TRAPPC9: variants seen among roughly 807,000 people sequenced by gnomAD.
TRAPPC9 encodes IKK2 binding protein.
A neutral mutation model predicts 124.0 loss-of-function variants in TRAPPC9; 83 were observed. The observed-to-expected ratio is 0.67, with a 90% CI of 0.56 to 0.80. TRAPPC9 has a LOEUF of 0.80. TRAPPC9 is among the 30% of genes least tolerant of loss of function. The pLI is 0.00. For synonymous variants in TRAPPC9, 638 were observed against 617.5 expected (o/e 1.03, Z -0.49); for missense variants, 1,302 against 1,508.3 (o/e 0.86, Z 2.27).
rs756763700 is a variant in TRAPPC9 at position 140,451,073 on chromosome 8, C to A, written c.301G>T (p.Val101Leu). ...GTGGAGCCGTAGATCTCCTTCTGCA[C>A]GTGGAACTTCTCAAAGGTCTGTGGC... is the stretch of plus-strand genomic sequence containing the variant. ...DWPQTFEKFH[V>L]QKEIYGSTLY... Residue 101 changes from valine to leucine, a missense_variant, in exon 2 of 23, where the codon GTG becomes TTG. Transcript: ENST00000438773. The A allele has an allele frequency of 1.2e-6, 2 of 1,613,906 alleles. No homozygotes were observed.
intron 17 of TRAPPC9, among the ~76,000 whole-genome samples, chr8:140,142,404 A>G (rs2061396488): frequency 6.6e-6 from 1 of 152,254 alleles, no homozygotes. Flanking sequence ...TCCAGATGCA[A>G]CAGTAGGCTG....
chr8:140,212,536 A>C (rs1210162975), intron 17 of TRAPPC9, among the ~76,000 whole-genome samples: 1 of 152,096 alleles, frequency 6.6e-6, no homozygotes, highest in African/African-American at 2.4e-5. Context: ...ATTGGTCTGT[A>C]GTGCTTTGGG....
At chr8:140,055,966 C>CT (rs141611121) in intron 17 of TRAPPC9, among the ~76,000 whole-genome samples, 58 of 151,630 alleles carry the variant, frequency 3.8e-4, no homozygotes, top group Middle Eastern at 3.4e-3. Context: ...TAAACAAAGG[C>CT]TTTTTTTTAA....
chr8:140,210,463 T>C (rs905987803), intron 17 of TRAPPC9, among the ~76,000 whole-genome samples: 34 of 152,284 alleles, frequency 2.2e-4, no homozygotes, highest in African/African-American at 7.9e-4. Context: ...CCACTCTCTC[T>C]GGACTTCCCC....
chr8:139,930,767 T>G (rs1030215556), intron 19 of TRAPPC9, among the ~76,000 whole-genome samples: 1 of 152,220 alleles, frequency 6.6e-6, no homozygotes, highest in Admixed American at 6.5e-5. Context: ...ATTCCACCGC[T>G]GTCTCATAGA....
chr8:139,803,323 C>A (rs1318613530), intron 21 of TRAPPC9, among the ~76,000 whole-genome samples: 1 of 152,226 alleles, frequency 6.6e-6, no homozygotes, highest in Non-Finnish European at 1.5e-5. Context: ...AGCGGCGAGT[C>A]CTGCAGCCTG....
chr8:140,100,957 C>T (rs1049785192), intron 17 of TRAPPC9, among the ~76,000 whole-genome samples: 1 of 152,204 alleles, frequency 6.6e-6, no homozygotes, highest in African/African-American at 2.4e-5. Context: ...AGCCTCAGAG[C>T]GCTCCCTGGA....
chr8:140,298,465 C>T (rs887580417), intron 11 of TRAPPC9, among the ~76,000 whole-genome samples: 2 of 152,074 alleles, frequency 1.3e-5, no homozygotes, highest in Admixed American at 6.6e-5. Flanking sequence ...CCAGCCTGGG[C>T]AACATGGCAA....
At chr8:139,977,791 C>T (rs1836585777) in intron 19 of TRAPPC9, among the ~76,000 whole-genome samples, 1 of 151,768 alleles carries the variant, frequency 6.6e-6, no homozygotes, top group African/African-American at 2.4e-5. Context: ...AGCAATTCCC[C>T]TGCCTTAGCC....
At chr8:140,280,167 A>C (rs544983920) in intron 14 of TRAPPC9, among the ~76,000 whole-genome samples, 1 of 152,350 alleles carries the variant, frequency 6.6e-6, no homozygotes, top group African/African-American at 2.4e-5. Flanking sequence ...CAGCAGTGGC[A>C]GAATTTCAGC....
chr8:139,932,263 G>A (rs1197224043), intron 19 of TRAPPC9: 3 of 453,548 alleles, frequency 6.6e-6, no homozygotes, highest in South Asian at 4.7e-5. Flanking sequence ...CCGCACCACG[G>A]GGCCTCGCTC....
At chr8:140,115,328 C>T (rs574522014) in intron 17 of TRAPPC9, among the ~76,000 whole-genome samples, 8 of 150,514 alleles carry the variant, frequency 5.3e-5, no homozygotes, top group African/African-American at 1.7e-4. Context: ...AGTGCAGTGG[C>T]GTGATCTAGG....
chr8:140,248,764 G>A (rs1243778279), intron 16 of TRAPPC9, among the ~76,000 whole-genome samples: 1 of 152,284 alleles, frequency 6.6e-6, no homozygotes, highest in African/African-American at 2.4e-5. Context: ...TTTTGTGGGT[G>A]AAAAGTTGAC....
rs1473630958 is a variant in TRAPPC9, at chr8:140,269,034, G to A, written c.2278+6624C>T. 3.3e-5 allele frequency among the ~76,000 whole-genome samples: 5 copies of A among 152,250 alleles called. 1 individual carries two copies. In the Middle Eastern group the frequency reaches 0.01, roughly 313 times the overall value. ...AAGGAACATGTGGGAATTTTCTGGG[G>A]TGGCGGAAACGTTCTATATCCTGAT... On this transcript the variant is annotated intron_variant, in intron 15 of 22. Transcript: ENST00000438773.
At chr8:140,093,647 G>A (rs990234163) in intron 17 of TRAPPC9, among the ~76,000 whole-genome samples, 16 of 148,812 alleles carry the variant, frequency 1.1e-4, no homozygotes, top group Admixed American at 3.3e-4. Context: ...CAGCCTGGGC[G>A]AGAGAGCACG....
intron 16 of TRAPPC9, among the ~76,000 whole-genome samples, chr8:140,246,430 T>C (rs766104264): frequency 2.0e-5 from 3 of 152,236 alleles, no homozygotes; most frequent in Non-Finnish European, 4.4e-5. Context: ...GGCTAGGAGA[T>C]TGATAGCTTT....
Position 140,457,163 on chromosome 8 carries a change from T to C in TRAPPC9, c.-11+476A>G, listed in dbSNP as rs957947008. On this transcript the variant is annotated intron_variant, in intron 1 of 22. Transcript: ENST00000438773. ...AAAGCGCCGGGGGCGTGGGCTGTGC[T>C]GGGCCCCAGGCCCCAGCCGCGCGTC... is the stretch of plus-strand genomic sequence containing the variant. 2.1e-4 allele frequency among the ~76,000 whole-genome samples: 32 copies of C among 152,182 alleles called. 1 individual carries two copies. Among genetic ancestry groups the C allele is most frequent in the Admixed American group, 1.5e-3 (23 of 15,288 alleles).
At chr8:140,413,325 G>A (rs189038082) in intron 5 of TRAPPC9, among the ~76,000 whole-genome samples, 5 of 152,158 alleles carry the variant, frequency 3.3e-5, no homozygotes, top group African/African-American at 1.2e-4. Flanking sequence ...GGAAGCAGAG[G>A]TTGCAGTGAG....
In TRAPPC9 at chr8:140,349,615, A is replaced by G. The variant is rs1006469083; in HGVS notation, c.1495+10435T>C. Among the ~76,000 whole-genome samples, 5 of 152,170 alleles carry G rather than the reference A, an allele frequency of 3.3e-5. No homozygotes were observed. In the South Asian group the frequency reaches 1.0e-3, roughly 32 times the overall value. ...CAGGGAAGCCAGTGGGGTGGGAGAGAGGGAGGCGGCAGGAGGGAGCGGGGA... is the reference window on the plus strand; with the variant it reads ...CAGGGAAGCCAGTGGGGTGGGAGAGGGGGAGGCGGCAGGAGGGAGCGGGGA... On this transcript the variant is annotated intron_variant, in intron 9 of 22. Coordinates refer to ENST00000438773, the MANE Select transcript of TRAPPC9 (RefSeq NM_001160372.4).
Sources: allele counts gnomAD v4.1 joint callset (sites outside exome capture counted in the v4.1 genomes callset), GRCh38; gene constraint gnomAD v4.1.1; transcripts MANE v1.5; gene names NCBI Gene and HGNC (gene_info 2026-07-23, HGNC 2026-07-21).